UTRN: variants seen among roughly 807,000 people sequenced by gnomAD.
The protein encoded by UTRN is dystrophin-related protein 1.
Under a neutral mutation model 463.9 loss-of-function variants are expected in UTRN, and 283 were observed. The ratio of observed to expected loss-of-function variants is 0.61; its 90% CI spans 0.55 to 0.67. The LOEUF is 0.67. Among genes scored for constraint, UTRN ranks in the 30% least tolerant of loss-of-function variants. The pLI is 0.00. For missense variants in UTRN, 3,922 were observed against 4,084.3 expected (o/e 0.96, Z 1.08); for synonymous variants, 1,442 against 1,431.5 (o/e 1.01, Z -0.17).
At chr6:144,564,572 A>G (rs1360622853) in intron 50 of UTRN, among the ~76,000 whole-genome samples, 1 of 152,182 alleles carries the variant, frequency 6.6e-6, no homozygotes, top group Non-Finnish European at 1.5e-5. Context: ...CTTATAGTTC[A>G]GCATGGCAGG....
chr6:144,388,634 G>GACCATGGCGTGTGCT (rs1781628296), intron 2 of UTRN, among the ~76,000 whole-genome samples: 1 of 151,946 alleles, frequency 6.6e-6, no homozygotes, highest in African/African-American at 2.4e-5. Context: ...GAGTAGCTGG[G>GACCATGGCGTGTGCT]ACCATGGCGT....
At chr6:144,315,557 G>T (rs1168390655) in intron 2 of UTRN, among the ~76,000 whole-genome samples, 1 of 152,248 alleles carries the variant, frequency 6.6e-6, no homozygotes, top group Non-Finnish European at 1.5e-5. Flanking sequence ...CTGCTGCTGG[G>T]CATTATTTTA....
chr6:144,776,427 T>C (rs6901197), intron 60 of UTRN, among the ~76,000 whole-genome samples: 73,451 of 152,104 alleles, frequency 0.48, 23,064 homozygotes, highest in East Asian at 0.87. Flanking sequence ...TGTGCAAATC[T>C]CCACCCAGCA....
intron 41 of UTRN, among the ~76,000 whole-genome samples, chr6:144,529,424 TTGTC>T (rs1266004966): frequency 6.6e-6 from 1 of 152,228 alleles, no homozygotes; most frequent in Non-Finnish European, 1.5e-5. Flanking sequence ...ATGCTGCTGT[TTGTC>T]TGAGTGGGAG....
chr6:144,628,005 C>T (rs561510010), intron 51 of UTRN, among the ~76,000 whole-genome samples: 8 of 151,982 alleles, frequency 5.3e-5, no homozygotes, highest in Admixed American at 1.3e-4. Context: ...TTCACCATGT[C>T]GGTCAGGCTG....
intron 25 of UTRN, 151 bp downstream of exon 25, chr6:144,474,910 G>T: frequency 1.2e-6 from 1 of 802,530 alleles, no homozygotes; most frequent in South Asian, 2.5e-5. Flanking sequence ...CAAAAAAAAA[G>T]GCATCATTTT....
At chr6:144,349,269 A>G (rs1777896354) in intron 2 of UTRN, among the ~76,000 whole-genome samples, 2 of 152,172 alleles carry the variant, frequency 1.3e-5, no homozygotes, top group African/African-American at 2.4e-5. Context: ...CAGCCTCCCA[A>G]AGTGCTGGGA....
Position 144,448,669 on chromosome 6 carries a change from G to A in UTRN, c.1972G>A (p.Val658Ile), listed in dbSNP as rs749348409. The change falls in exon 17 of 75, where the codon GTA (valine) becomes ATA (isoleucine). Residue 658 changes from valine (V) to isoleucine (I), a missense_variant. By Grantham distance (29) the Val-to-Ile change is conservative. Coordinates refer to ENST00000367545, the MANE Select transcript of UTRN (RefSeq NM_007124.3). ...PQKDLLETVR[V>I]REQAITKKSK... Reference sequence around the variant, plus strand: ...GAAGGACCTTTTGGAGACTGTTCGTGTAAGAGAACAAGCAATTACAAAAAA... The same window carrying A: ...GAAGGACCTTTTGGAGACTGTTCGTATAAGAGAACAAGCAATTACAAAAAA... The A allele has an allele frequency of 4.3e-6, 7 of 1,613,846 alleles. No homozygotes were observed. In the African/African-American group the frequency reaches 6.7e-5, roughly 15 times the overall value.
intron 3 of UTRN, among the ~76,000 whole-genome samples, chr6:144,408,739 A>G (rs1185259964): frequency 6.6e-6 from 1 of 152,202 alleles, no homozygotes; most frequent in Non-Finnish European, 1.5e-5. Flanking sequence ...TTGCTTTTAG[A>G]TTGTTTTCCT....
At chr6:144,534,730 A>G (rs1797377145) in intron 43 of UTRN, among the ~76,000 whole-genome samples, 1 of 152,228 alleles carries the variant, frequency 6.6e-6, no homozygotes. Flanking sequence ...GACTAAGAAG[A>G]AGAAAATGAT....
chr6:144,632,229 G>A (rs1562679471), intron 51 of UTRN, among the ~76,000 whole-genome samples: 1 of 151,952 alleles, frequency 6.6e-6, no homozygotes, highest in Non-Finnish European at 1.5e-5. Context: ...TTTAACATTT[G>A]GTTTTTGGTT....
chr6:144,527,405 C>G (rs1005555449), intron 41 of UTRN, among the ~76,000 whole-genome samples: 2 of 152,160 alleles, frequency 1.3e-5, no homozygotes, highest in Non-Finnish European at 2.9e-5. Context: ...TTACCTGATG[C>G]TTTTGCCTCA....
chr6:144,762,412 A>G (rs1359949503), intron 58 of UTRN, among the ~76,000 whole-genome samples: 4 of 152,224 alleles, frequency 2.6e-5, no homozygotes, highest in East Asian at 1.9e-4. Context: ...CTTTCATACC[A>G]TAGACGGTTA....
Position 144,700,088 on chromosome 6 carries a change from G to A in UTRN, c.7654G>A (p.Ala2552Thr). The stretch of plus-strand genomic sequence containing the variant: ...ATTATTATTATTATCTCTCAACAGG[G>A]CCCATTTGGAGGCCAGCGCTGAGAA... Reference protein sequence around the residue: ...DLKAKSASIRAHLEASAEKWN... With the variant: ...DLKAKSASIRTHLEASAEKWN... The change falls in exon 53 of 75, where the codon GCC (alanine) becomes ACC (threonine). Residue 2552 changes from alanine to threonine, a missense_variant and splice_region_variant. This residue lies in a region of UTRN where 1,309 missense variants were observed against 1,452.6 expected (regional missense o/e 0.90). Coordinates refer to ENST00000367545, the MANE Select transcript of UTRN (RefSeq NM_007124.3). The A allele has an allele frequency of 6.3e-7, 1 of 1,588,376 alleles. No individual in the cohort carries two copies. The highest frequency in any genetic ancestry group is 8.6e-7 in the Non-Finnish European group (1 of 1,164,606).
chr6:144,483,976 C>T (rs910195563), intron 27 of UTRN, among the ~76,000 whole-genome samples: 4 of 152,110 alleles, frequency 2.6e-5, no homozygotes, highest in African/African-American at 7.2e-5. Flanking sequence ...GAGAGTGGAC[C>T]GGCAGGTGCC....
At position 144,840,783 on chromosome 6, in the gene UTRN, T is replaced by A. The variant is rs1781502448; in HGVS notation, c.10221T>A (p.Asp3407Glu). The change falls in exon 73 of 75, where the codon GAT (aspartate) becomes GAA (glutamate). Residue 3407 changes from aspartate to glutamate, a missense_variant. Physicochemically the swap from Asp to Glu is conservative, Grantham distance 45 (BLOSUM62 2). Transcript: ENST00000367545. ...CCCCACCGCACGACACCAGCACGGA[T>A]CTCACGGAGGTCATGGAGCAGATTC... ...LLAPPHDTST[D>E]LTEVMEQIHS... 1 of 1,614,062 alleles carries A rather than the reference T, an allele frequency of 6.2e-7. No homozygotes were observed. The highest frequency in any genetic ancestry group is 1.3e-5 in the African/African-American group (1 of 75,056).
chr6:144,461,373 G>A, intron 22 of UTRN, 31 bp downstream of exon 22: 1 of 1,458,626 alleles, frequency 6.9e-7, no homozygotes, highest in South Asian at 1.6e-5. Context: ...TAGAACTCTA[G>A]CGCTTCTTCT....
At chr6:144,326,765 G>A (rs932666042) in intron 2 of UTRN, among the ~76,000 whole-genome samples, 6 of 152,208 alleles carry the variant, frequency 3.9e-5, no homozygotes, top group South Asian at 2.1e-4. Context: ...GTGGTAACAC[G>A]GACCCTCACA....
At chr6:144,850,965 C>G in intron 74 of UTRN, 24 bp from the exon 75 acceptor site, 3 of 1,613,534 alleles carry the variant, frequency 1.9e-6, no homozygotes, top group Non-Finnish European at 2.5e-6. Context: ...AAATTTCTGA[C>G]AGTGCTATTT....
Sources: allele counts gnomAD v4.1 joint callset (sites outside exome capture counted in the v4.1 genomes callset), GRCh38; gene constraint gnomAD v4.1.1; regional missense constraint gnomAD v4.1.1; transcripts MANE v1.5; gene names NCBI Gene and HGNC (gene_info 2026-07-23, HGNC 2026-07-21).